Variants in C5 observed in about 807,000 individuals in gnomAD.
The protein encoded by C5 is C3 and PZP-like alpha-2-macroglobulin domain-containing protein 4.
In C5, 140 loss-of-function variants were observed where a neutral mutation model predicts 218.8. That is an observed-to-expected ratio of 0.64 (90% CI 0.56 to 0.74). C5 has a LOEUF of 0.74. C5 is among the 30% of genes least tolerant of loss of function. The pLI is 0.00. For missense variants in C5, 1,700 were observed against 1,969.6 expected (o/e 0.86, Z 2.59); for synonymous variants, 614 against 682.3 (o/e 0.90, Z 1.56).
intron 33 of C5, among the ~76,000 whole-genome samples, chr9:120,968,604 T>C (rs1406967536): frequency 9.2e-5 from 14 of 152,202 alleles, no homozygotes; most frequent in African/African-American, 2.9e-4. Flanking sequence ...CTGGCTACCA[T>C]TAGAATGACC....
At chr9:120,966,292 C>T (rs1403493553) in intron 33 of C5, among the ~76,000 whole-genome samples, 2 of 152,206 alleles carry the variant, frequency 1.3e-5, no homozygotes, top group African/African-American at 4.8e-5. Context: ...TGGAATTAGG[C>T]CTCCTGACAA....
chr9:121,008,732 T>C (rs7023696), intron 17 of C5, among the ~76,000 whole-genome samples: 15,922 of 151,982 alleles, frequency 0.1, 877 homozygotes, highest in African/African-American at 0.14. Context: ...GAATTCGAGA[T>C]CAGCCTGGCC....
chr9:121,058,306 T>A, the C5 span, among the ~76,000 whole-genome samples: 2 of 152,164 alleles, frequency 1.3e-5, no homozygotes, highest in Non-Finnish European at 1.5e-5. Context: ...AGGGAACACA[T>A]CTAATAATTT....
intron 38 of C5, among the ~76,000 whole-genome samples, chr9:120,958,353 C>T (rs933241283): frequency 2.6e-5 from 4 of 152,098 alleles, no homozygotes; most frequent in African/African-American, 7.2e-5. Flanking sequence ...AAAAAGCCAG[C>T]GAAGTCTTTT....
chr9:120,960,358 T>TAAATTTAA, intron 37 of C5, 21 bp from the exon 38 acceptor site: 2 of 1,550,194 alleles, frequency 1.3e-6, no homozygotes, highest in African/African-American at 1.4e-5. Context: ...TGAAAATTGG[T>TAAATTTAA]AAAAATAAGG....
intron 3 of C5, among the ~76,000 whole-genome samples, chr9:121,040,569 T>C (rs1370536134): frequency 1.3e-5 from 2 of 152,246 alleles, no homozygotes; most frequent in African/African-American, 4.8e-5. Flanking sequence ...TTTTCTTTTC[T>C]GTAAATATGG....
chr9:121,006,840 C>A, intron 19 of C5, 64 bp downstream of exon 19: 1 of 1,137,744 alleles, frequency 8.8e-7, no homozygotes, highest in Non-Finnish European at 1.3e-6. Flanking sequence ...TAGATACTAA[C>A]AAAGAATTAC....
chr9:121,017,811 C>G lies in C5; in HGVS notation c.1548G>C (p.Glu516Asp). Residue 516 changes from glutamate to aspartate, a missense_variant, in exon 13 of 41, where the codon GAG becomes GAC. Transcript: ENST00000223642. ...KGKIIHFGTREKFSDASYQSI... is the reference protein window; with the variant it reads ...KGKIIHFGTRDKFSDASYQSI... ...TTTGATAAGATGCATCTGAAAATTT[C>G]TCCCTCGTGCCAAAGTGGATAATTT... 6.2e-7 allele frequency: 1 copy of G among 1,613,800 alleles called. No homozygotes were observed. Among genetic ancestry groups the G allele is most frequent in the Non-Finnish European group, 8.5e-7 (1 of 1,179,798 alleles).
intron 1 of C5, among the ~76,000 whole-genome samples, chr9:121,049,790 G>T (rs2047657926): frequency 1.3e-5 from 2 of 152,130 alleles, no homozygotes; most frequent in African/African-American, 4.8e-5. Flanking sequence ...CAGATTTTCA[G>T]ATCACAGTAT....
Position 120,970,173 on chromosome 9 carries a change from CAA to C in C5, c.4157_4158del (p.Ile1386ArgfsTer12). The C allele has an allele frequency of 6.2e-7, 1 of 1,608,708 alleles. No individual in the cohort carries two copies. Among genetic ancestry groups the C allele is most frequent in the East Asian group, 2.2e-5 (1 of 44,854 alleles). On this transcript the variant is annotated frameshift_variant, in exon 32 of 41. Coordinates refer to ENST00000223642, the MANE Select transcript of C5 (RefSeq NM_001735.3). LOFTEE classifies it high-confidence loss of function. ...SFYLKIDTQDIEASHYRGYGN... is the reference protein window; with the variant it reads ...SFYLKIDTQDXEASHYRGYGN... ...GCGTAAATCCTGCTGTTTTTACCTTCAATATCCTGAGTATCGATTTTCAAATA... is the reference window on the plus strand; with the variant it reads ...GCGTAAATCCTGCTGTTTTTACCTTCTATCCTGAGTATCGATTTTCAAATA...
At chr9:121,019,920 A>G in intron 12 of C5, 56 bp downstream of exon 12, 4 of 1,167,372 alleles carry the variant, frequency 3.4e-6, no homozygotes, top group Non-Finnish European at 3.9e-6. Flanking sequence ...CTCTAGAGGC[A>G]AAGGAAAATG....
At chr9:120,989,456 T>C in intron 24 of C5, 112 bp downstream of exon 24, 2 of 749,532 alleles carry the variant, frequency 2.7e-6, no homozygotes, top group South Asian at 3.5e-5. Context: ...CATGATTTTT[T>C]TGCTAAAATT....
chr9:121,049,487 T>C (rs2047655365), intron 1 of C5, among the ~76,000 whole-genome samples: 1 of 152,152 alleles, frequency 6.6e-6, no homozygotes, highest in Admixed American at 6.6e-5. Context: ...TATACATTTA[T>C]GACAAAATGA....
intron 40 of C5, 80 bp from the exon 41 acceptor site, chr9:120,952,948 G>C: frequency 1.3e-6 from 2 of 1,508,786 alleles, no homozygotes; most frequent in Non-Finnish European, 1.8e-6. Flanking sequence ...TTTTGAGACG[G>C]AGTCTTGCTC....
At chr9:121,019,869 G>A (rs993403876) in intron 12 of C5, 107 bp downstream of exon 12, 4 of 732,670 alleles carry the variant, frequency 5.5e-6, no homozygotes, top group South Asian at 4.9e-5. Context: ...GCTCTTGAAA[G>A]TGCTTTGGGA....
chr9:121,019,860 C>T (rs2241004), intron 12 of C5, 116 bp downstream of exon 12: 445,018 of 692,742 alleles, frequency 0.64, 143,966 homozygotes, highest in East Asian at 0.75. Context: ...TTAGATGATG[C>T]TCTTGAAAGT....
At chr9:121,028,632 G>T (rs575195876) in intron 7 of C5, among the ~76,000 whole-genome samples, 1 of 152,222 alleles carries the variant, frequency 6.6e-6, no homozygotes, top group South Asian at 2.1e-4. Context: ...CTCACAGGTG[G>T]GAACTGAACA....
At chr9:121,024,421 T>C (rs2047401861) in intron 9 of C5, among the ~76,000 whole-genome samples, 1 of 150,080 alleles carries the variant, frequency 6.7e-6, no homozygotes, top group South Asian at 2.1e-4. Context: ...AATAATGTTA[T>C]CCTCCAGGTA....
intron 28 of C5, chr9:120,979,685 T>C (rs564265025): frequency 5.2e-5 from 14 of 266,926 alleles, no homozygotes; most frequent in Admixed American, 3.0e-4. Context: ...CCCAGGCATT[T>C]GAGATCATCC....
Sources: gnomAD v4.1 joint callset for allele counts (sites outside exome capture counted in the v4.1 genomes callset) on GRCh38, gnomAD v4.1.1 for gene constraint, MANE v1.5 for transcripts, NCBI Gene and HGNC (gene_info 2026-07-23, HGNC 2026-07-21) for gene names.